IBTK: variants seen among roughly 807,000 people sequenced by gnomAD.
IBTK encodes BTK-binding protein.
In IBTK, 83 loss-of-function variants were observed where a neutral mutation model predicts 154.9. The ratio of observed to expected loss-of-function variants is 0.54; its 90% CI spans 0.45 to 0.64. The LOEUF (loss-of-function observed/expected upper bound fraction) is 0.64. Among genes scored for constraint, IBTK ranks in the 30% least tolerant of loss-of-function variants. The probability of loss-of-function intolerance (pLI) is 0.00; values close to 1 mark genes in which losing one functional copy is unlikely to be tolerated. For synonymous variants in IBTK, 515 were observed against 536.1 expected (o/e 0.96, Z 0.54); for missense variants, 1,332 against 1,584.6 (o/e 0.84, Z 2.71).
chr6:82,179,547 G>A (rs1426774855), intron 26 of IBTK, among the ~76,000 whole-genome samples: 2 of 152,180 alleles, frequency 1.3e-5, no homozygotes, highest in African/African-American at 2.4e-5. Flanking sequence ...AATATAAAGT[G>A]AAATAAGACG....
chr6:82,191,336 T>C lies in IBTK; in HGVS notation c.3432-120A>G, dbSNP rs943469462. ...ATTTCTGCTTAATAAAGGTTACTGG[T>C]AATAATAATGTTTTCTATTTATTTC... On this transcript the variant is annotated intron_variant, in intron 24 of 28. Transcript: ENST00000306270. 1.5e-5 allele frequency: 11 copies of C among 757,188 alleles called. No individual in the cohort carries two copies. The Admixed American group carries it at 3.2e-4, about 22-fold the overall frequency. The allele number at this position is 757,188 out of a possible 1,614,324, so 46.9% of individuals were successfully genotyped here.
At position 82,220,096 on chromosome 6, in the gene IBTK, G is replaced by A. The variant is rs73470062; in HGVS notation, c.1248+494C>T. Reference sequence around the variant, plus strand: ...GTAGTGGCACATGCTTGTAATCCCTGCTACTCAGGAGGCTGAGACATGAGA... The same window carrying A: ...GTAGTGGCACATGCTTGTAATCCCTACTACTCAGGAGGCTGAGACATGAGA... On this transcript the variant is annotated intron_variant, in intron 9 of 28. Coordinates refer to ENST00000306270, the MANE Select transcript of IBTK (RefSeq NM_015525.4). Among the ~76,000 whole-genome samples, 681 of 152,132 alleles carry A rather than the reference G, an allele frequency of 4.5e-3. 5 individuals are homozygous for A. Among genetic ancestry groups the A allele is most frequent in the African/African-American group, 0.015 (619 of 41,506 alleles).
intron 4 of IBTK, among the ~76,000 whole-genome samples, chr6:82,229,982 T>C (rs1393241724): frequency 6.6e-6 from 1 of 152,174 alleles, no homozygotes; most frequent in Non-Finnish European, 1.5e-5. Flanking sequence ...AATAGTGTTC[T>C]ATGGAGCCCT....
At chr6:82,236,467 G>T (rs1770717174) in intron 2 of IBTK, among the ~76,000 whole-genome samples, 1 of 152,130 alleles carries the variant, frequency 6.6e-6, no homozygotes, top group Admixed American at 6.6e-5. Context: ...AAGAGCAATG[G>T]TTTAGCAACA....
chr6:82,192,563 G>A (rs2127803554), intron 23 of IBTK, among the ~76,000 whole-genome samples: 1 of 151,774 alleles, frequency 6.6e-6, no homozygotes, highest in East Asian at 2.0e-4. Flanking sequence ...CCTGGCCTAT[G>A]TGGTGGAATC....
intron 11 of IBTK, 31 bp downstream of exon 11, chr6:82,216,044 TA>T: frequency 6.6e-7 from 1 of 1,524,578 alleles, no homozygotes; most frequent in African/African-American, 1.4e-5. Flanking sequence ...TTGTTCCTTC[TA>T]AAAAATGAAA....
rs567183457 is a variant in IBTK at position 82,191,028 on chromosome 6, C to A, written c.3575+45G>T. On this transcript the variant is annotated intron_variant, in intron 25 of 28. Coordinates refer to ENST00000306270, the MANE Select transcript of IBTK (RefSeq NM_015525.4). ...CCAAAGTCAAGTACTACCTTAAAAG[C>A]AAATGCACAAATCTATATTAATTTT... 5.4e-3 allele frequency: 7,485 copies of A among 1,395,568 alleles called. 27 individuals carry two copies. The highest frequency in any genetic ancestry group is 6.3e-3 in the Non-Finnish European group (6,690 of 1,059,964). 86.4% of individuals were successfully genotyped at this position (1,395,568 alleles called of 1,614,324 possible).
rs574947483 is a variant in IBTK, at chr6:82,170,615, A to G, written c.*810T>C. On this transcript the variant is annotated 3_prime_UTR_variant, in exon 29 of 29. Coordinates refer to ENST00000306270, the MANE Select transcript of IBTK (RefSeq NM_015525.4). Reference sequence around the variant, plus strand: ...CTCTTCCAAACTATTTAATTCCTGTATATGTAATTAAGCATTTATTTTCAG... The same window carrying G: ...CTCTTCCAAACTATTTAATTCCTGTGTATGTAATTAAGCATTTATTTTCAG... The G allele has an allele frequency of 6.6e-6, 1 of 152,324 alleles. No individual in the cohort carries two copies. The highest frequency in any genetic ancestry group is 2.4e-5 in the African/African-American group (1 of 41,564). 9.4% of individuals were successfully genotyped at this position (152,324 alleles called of 1,614,324 possible). A position where few individuals can be genotyped will look rare whatever the true frequency, so the allele number is the denominator to read the frequency against.
chr6:82,204,357 T>C (rs190775658), intron 17 of IBTK, among the ~76,000 whole-genome samples: 154 of 152,232 alleles, frequency 1.0e-3, no homozygotes, highest in Non-Finnish European at 2.1e-4. Flanking sequence ...GATTTCAAAG[T>C]ACAGTGTTCA....
Position 82,240,388 on chromosome 6 carries a change from A to G in IBTK, c.99T>C (p.Ile33=). Residue 33 remains isoleucine (I), a synonymous_variant, in exon 2 of 29, where the codon ATT becomes ATC. Transcript: ENST00000306270. ...SVVTKGSENQ[I]KAFLSSHCYN... ...AACAATGACTGGAGAGAAAGGCCTT[A>G]ATCTGGTTTTCGCTCCCCTTTGTTA... The G allele has an allele frequency of 6.2e-7, 1 of 1,614,162 alleles. No homozygotes were observed. Among genetic ancestry groups the G allele is most frequent in the Non-Finnish European group, 8.5e-7 (1 of 1,180,022 alleles).
intron 18 of IBTK, among the ~76,000 whole-genome samples, chr6:82,202,119 A>AT (rs1769232058): frequency 6.6e-6 from 1 of 152,210 alleles, no homozygotes; most frequent in Non-Finnish European, 1.5e-5. Flanking sequence ...TAATGCTTTT[A>AT]GAACACCGTC....
In IBTK at chr6:82,247,567, G is replaced by A. The variant is rs910791038; in HGVS notation, c.-363C>T. 2 of 398,958 alleles carry A rather than the reference G, an allele frequency of 5.0e-6. No individual in the cohort carries two copies. Among genetic ancestry groups the A allele is most frequent in the Non-Finnish European group, 8.8e-6 (2 of 226,338 alleles). 24.7% of individuals were successfully genotyped at this position (398,958 alleles called of 1,614,324 possible). ...AGCGCCAAGCCCTCCCTCACCAGTC[G>A]CTAGATGAAACTGCGCCGGTGGATT... On this transcript the variant is annotated 5_prime_UTR_variant, in exon 1 of 29. Coordinates refer to ENST00000306270, the MANE Select transcript of IBTK (RefSeq NM_015525.4).
At chr6:82,211,437 T>C (rs767289207) in intron 14 of IBTK, 33 bp from the exon 15 acceptor site, 93 of 1,604,118 alleles carry the variant, frequency 5.8e-5, no homozygotes, top group Non-Finnish European at 7.6e-5. Flanking sequence ...GCAATAAGAA[T>C]AGTGAAACAA....
intron 25 of IBTK, 69 bp from the exon 26 acceptor site, chr6:82,182,097 A>G (rs1768345009): frequency 6.9e-7 from 1 of 1,457,634 alleles, no homozygotes; most frequent in Admixed American, 2.5e-5. Flanking sequence ...AAGTTATAAG[A>G]GAACAATAAG....
At chr6:82,181,789 C>G in intron 26 of IBTK, 90 bp downstream of exon 26, 1 of 906,738 alleles carries the variant, frequency 1.1e-6, no homozygotes, top group Non-Finnish European at 1.6e-6. Context: ...AAATCTGCCT[C>G]ATAAAGTTTT....
chr6:82,219,497 G>GT (rs1405196213), intron 9 of IBTK, among the ~76,000 whole-genome samples: 9 of 151,814 alleles, frequency 5.9e-5, no homozygotes, highest in African/African-American at 9.7e-5. Flanking sequence ...GTGTTTTTCA[G>GT]TATCATTAGT....
intron 8 of IBTK, among the ~76,000 whole-genome samples, chr6:82,223,099 T>C (rs943084082): frequency 6.6e-6 from 1 of 152,032 alleles, no homozygotes; most frequent in Non-Finnish European, 1.5e-5. Context: ...AAAAAGGCTA[T>C]ACAGGAACCA....
chr6:82,240,474 TG>T lies in IBTK; in HGVS notation c.12del (p.Met5CysfsTer11). ...CGACACTTTGATGTGCAGTCAGGCA[TG>T]GGTGAACTCATCCTAACTGTTTTTA... Reference protein sequence around the residue: MSSPMPDCTSKCRS... With the variant: MSSXMPDCTSKCRS... On this transcript the variant is annotated frameshift_variant, in exon 2 of 29. Transcript: ENST00000306270. LOFTEE classifies it high-confidence loss of function. 1 of 1,612,478 alleles carries T rather than the reference TG, an allele frequency of 6.2e-7. No individual in the cohort carries two copies. The highest frequency in any genetic ancestry group is 8.5e-7 in the Non-Finnish European group (1 of 1,179,486).
Position 82,218,022 on chromosome 6 carries a change from T to TG in IBTK, c.1363dup (p.Gln455ProfsTer7). 1 of 1,612,560 alleles carries TG rather than the reference T, an allele frequency of 6.2e-7. No homozygotes were observed. Among genetic ancestry groups the TG allele is most frequent in the Non-Finnish European group, 8.5e-7 (1 of 1,179,264 alleles). ...TCTCCCTCTAAATCCTTCTCCATCT[T>TG]GCGTAACAAATAGAATTTCATTTCT... On this transcript the variant is annotated frameshift_variant, in exon 10 of 29. Coordinates refer to ENST00000306270, the MANE Select transcript of IBTK (RefSeq NM_015525.4). LOFTEE classifies it high-confidence loss of function.
Sources: gnomAD v4.1 joint callset for allele counts (sites outside exome capture counted in the v4.1 genomes callset) on GRCh38, gnomAD v4.1.1 for gene constraint, MANE v1.5 for transcripts, NCBI Gene and HGNC (gene_info 2026-07-23, HGNC 2026-07-21) for gene names.